KALRN: variants seen among roughly 807,000 people sequenced by gnomAD.
KALRN encodes the protein kalirin RhoGEF kinase.
In KALRN, 70 loss-of-function variants were observed where a neutral mutation model predicts 353.7. The ratio of observed to expected loss-of-function variants is 0.20; its 90% confidence interval spans 0.16 to 0.24. The LOEUF is 0.24. Ranked by LOEUF, KALRN falls within the 10% of genes least tolerant of loss-of-function variation. The pLI is 1.00. For synonymous variants in KALRN, 1,391 were observed against 1,434.8 expected, an observed-to-expected ratio of 0.97 and a Z score of 0.69; for missense variants, 2,791 against 3,756.7, an observed-to-expected ratio of 0.74 and a Z score of 6.72.
intron 1 of KALRN, among the ~76,000 whole-genome samples, chr3:124,036,432 T>G (rs1179603815): frequency 6.6e-6 from 1 of 151,944 alleles, no homozygotes; most frequent in African/African-American, 2.4e-5. Flanking sequence ...TTCCATGATG[T>G]ACATGTACCA....
At chr3:124,049,058 A>G (rs1023990340) in intron 1 of KALRN, among the ~76,000 whole-genome samples, 3 of 152,172 alleles carry the variant, frequency 2.0e-5, no homozygotes, top group African/African-American at 7.2e-5. Context: ...CTGAAGGATA[A>G]CTTTTTGTGT....
At chr3:124,174,080 T>C (rs2072302164) in intron 1 of KALRN, among the ~76,000 whole-genome samples, 1 of 152,292 alleles carries the variant, frequency 6.6e-6, no homozygotes, top group African/African-American at 2.4e-5. Context: ...TTTATCATTA[T>C]CAAAAAATTC....
At chr3:124,604,664 TA>T (rs1487624606) in intron 34 of KALRN, among the ~76,000 whole-genome samples, 1 of 152,160 alleles carries the variant, frequency 6.6e-6, no homozygotes, top group Non-Finnish European at 1.5e-5. Context: ...AGATGTTTTT[TA>T]ATTTCGTTTA....
chr3:124,616,901 C>T (rs1307390051), intron 34 of KALRN, among the ~76,000 whole-genome samples: 1 of 150,314 alleles, frequency 6.7e-6, no homozygotes, highest in Non-Finnish European at 1.5e-5. Context: ...GGAGGCGGAG[C>T]TTGCAGTGAG....
intron 34 of KALRN, among the ~76,000 whole-genome samples, chr3:124,604,574 G>A (rs1350006245): frequency 1.3e-5 from 2 of 152,132 alleles, no homozygotes; most frequent in Non-Finnish European, 2.9e-5. Context: ...CCACTAAGGG[G>A]AATAATAGTG....
At chr3:124,375,460 C>T (rs2086462855) in intron 10 of KALRN, among the ~76,000 whole-genome samples, 1 of 152,158 alleles carries the variant, frequency 6.6e-6, no homozygotes, top group South Asian at 2.1e-4. Flanking sequence ...AGCTTACAGC[C>T]CTGACTCTGC....
At chr3:124,597,888 C>T (rs1476970061) in intron 34 of KALRN, among the ~76,000 whole-genome samples, 3 of 152,142 alleles carry the variant, frequency 2.0e-5, no homozygotes, top group African/African-American at 7.2e-5. Context: ...TGATTCCATT[C>T]TATCTGTAGT....
intron 1 of KALRN, among the ~76,000 whole-genome samples, chr3:124,144,617 ATCCTCCTCCTCTTCCTCATCC>A (rs1412613016): frequency 5.3e-5 from 3 of 56,258 alleles, no homozygotes; most frequent in African/African-American, 1.0e-4. Context: ...CCTCTTCCTC[ATCCTCCTCCTCTTCCTCATCC>A]TCCTCCTCTT....
At chr3:124,048,483 C>T (rs1432059767) in intron 1 of KALRN, among the ~76,000 whole-genome samples, 2 of 151,456 alleles carry the variant, frequency 1.3e-5, no homozygotes, top group Non-Finnish European at 2.9e-5. Flanking sequence ...TATAGCTTTA[C>T]CTCTTTTTTT....
intron 1 of KALRN, among the ~76,000 whole-genome samples, chr3:124,039,049 C>G (rs1355360812): frequency 6.6e-6 from 1 of 152,240 alleles, no homozygotes; most frequent in Non-Finnish European, 1.5e-5. Context: ...CCTGCAGACA[C>G]ATTAAACTTC....
intron 1 of KALRN, among the ~76,000 whole-genome samples, chr3:124,139,009 G>A (rs543678250): frequency 2.6e-5 from 4 of 152,200 alleles, no homozygotes; most frequent in South Asian, 2.1e-4. Flanking sequence ...GATAAATGGT[G>A]CAAGAGTGGG....
intron 34 of KALRN, among the ~76,000 whole-genome samples, chr3:124,583,550 A>G (rs1236030476): frequency 1.3e-5 from 2 of 152,166 alleles, no homozygotes; most frequent in Non-Finnish European, 2.9e-5. Flanking sequence ...CGTAAGTAAG[A>G]TGTTCGAAGT....
chr3:124,622,737 C>T (rs946904144), intron 34 of KALRN, among the ~76,000 whole-genome samples: 1 of 152,148 alleles, frequency 6.6e-6, no homozygotes, highest in Non-Finnish European at 1.5e-5. Context: ...ACTTCCAAAT[C>T]GCCTTGGGGT....
intron 3 of KALRN, among the ~76,000 whole-genome samples, chr3:124,256,523 G>C (rs1249209006): frequency 2.0e-5 from 3 of 152,154 alleles, no homozygotes; most frequent in Non-Finnish European, 4.4e-5. Flanking sequence ...AACAACAACT[G>C]TGCCTAATAA....
intron 1 of KALRN, among the ~76,000 whole-genome samples, chr3:124,210,549 G>T (rs1265740744): frequency 1.3e-5 from 2 of 152,116 alleles, no homozygotes; most frequent in African/African-American, 2.4e-5. Flanking sequence ...GAACAGCTGG[G>T]GAAGTGACAA....
chr3:124,609,374 G>A (rs779797481), intron 34 of KALRN, among the ~76,000 whole-genome samples: 1 of 152,158 alleles, frequency 6.6e-6, no homozygotes, highest in Non-Finnish European at 1.5e-5. Flanking sequence ...TCTTCCATGT[G>A]AGCCTGATAG....
In KALRN at chr3:124,656,164, G is replaced by A. The variant is rs151049838; in HGVS notation, c.5862+497G>A. Among the ~76,000 whole-genome samples the A allele has an allele frequency of 5.3e-5, 8 of 151,956 alleles. No homozygotes were observed. The East Asian group carries it at 7.7e-4, about 15-fold the overall frequency. ...GTTGACAGGTCCACAGTTAAGAGTC[G>A]ACTTGGTAGTAAATTAAACAAATCT... On this transcript the variant is annotated intron_variant, in intron 39 of 59. Transcript: ENST00000682506.
chr3:124,190,629 T>A (rs1343136795), intron 1 of KALRN, among the ~76,000 whole-genome samples: 1 of 152,220 alleles, frequency 6.6e-6, no homozygotes, highest in African/African-American at 2.4e-5. Context: ...CTGAGATGGC[T>A]CTAACAGTTG....
At chr3:124,266,005 C>A (rs1046670179) in intron 4 of KALRN, among the ~76,000 whole-genome samples, 2 of 152,134 alleles carry the variant, frequency 1.3e-5, no homozygotes, top group African/African-American at 2.4e-5. Flanking sequence ...ATCCAAGCTA[C>A]TCAAGAGGCT....
Sources: gnomAD v4.1 joint callset for allele counts (sites outside exome capture counted in the v4.1 genomes callset) on GRCh38, gnomAD v4.1.1 for gene constraint, MANE v1.5 for transcripts, NCBI Gene and HGNC (gene_info 2026-07-23, HGNC 2026-07-21) for gene names.